The following RIMS2 variants were observed in gnomAD, a reference collection of about 807,000 sequenced individuals.
RIMS2 encodes regulating synaptic membrane exocytosis protein 2.
Under a neutral mutation model 174.4 loss-of-function variants are expected in RIMS2, and 59 were observed. That is an observed-to-expected ratio of 0.34 (90% CI 0.27 to 0.42). RIMS2 has a LOEUF of 0.42. RIMS2 is among the 10% of genes least tolerant of loss of function. The probability of loss-of-function intolerance (pLI) is 1.00; values close to 1 mark genes in which losing one functional copy is unlikely to be tolerated. For synonymous variants in RIMS2, 606 were observed against 572.5 expected, an observed-to-expected ratio of 1.06 and a Z score of -0.84; for missense variants, 1,620 against 1,666.3, an observed-to-expected ratio of 0.97 and a Z score of 0.48.
In RIMS2 at chr8:103,883,359, T is replaced by C. The variant is rs562826205; in HGVS notation, c.699-1939T>C. 2.0e-5 allele frequency among the ~76,000 whole-genome samples: 3 copies of C among 151,892 alleles called. No homozygotes were observed. In the East Asian group the frequency reaches 5.8e-4, roughly 30 times the overall value. Reference sequence around the variant, plus strand: ...TTCTCTTCATGATAGACTACTATCATGCTAGAGTTTTTTTAGTCAAATGTA... The same window carrying C: ...TTCTCTTCATGATAGACTACTATCACGCTAGAGTTTTTTTAGTCAAATGTA... On this transcript the variant is annotated intron_variant, in intron 3 of 23. Coordinates refer to ENST00000504942, the Ensembl canonical transcript of RIMS2.
chr8:103,795,774 C>CACA (rs2098545686), intron 3 of RIMS2, among the ~76,000 whole-genome samples: 1 of 152,158 alleles, frequency 6.6e-6, no homozygotes, highest in Admixed American at 6.6e-5. Context: ...ACATGTATCG[C>CACA]TGCCTTTCAT....
chr8:103,827,709 T>C (rs1006944403), intron 3 of RIMS2, among the ~76,000 whole-genome samples: 3 of 151,934 alleles, frequency 2.0e-5, no homozygotes, highest in African/African-American at 7.3e-5. Flanking sequence ...GCCGTGTGTG[T>C]CTGTAATCCC....
At chr8:104,219,392 G>A (rs1244230676) in intron 19 of RIMS2, among the ~76,000 whole-genome samples, 1 of 152,156 alleles carries the variant, frequency 6.6e-6, no homozygotes, top group Non-Finnish European at 1.5e-5. Flanking sequence ...CTGCCACTTC[G>A]TAGTTAAGCA....
intron 1 of RIMS2, among the ~76,000 whole-genome samples, chr8:103,579,057 T>A (rs188354253): frequency 6.6e-6 from 1 of 152,110 alleles, no homozygotes; most frequent in Non-Finnish European, 1.5e-5. Context: ...AGAGAAAGTC[T>A]TTCCCAGATA....
chr8:103,510,943 TA>T (rs781229778), intron 1 of RIMS2, among the ~76,000 whole-genome samples: 1 of 152,186 alleles, frequency 6.6e-6, no homozygotes, highest in Non-Finnish European at 1.5e-5. Context: ...TTTGGATATA[TA>T]TTTTTTTATA....
chr8:103,893,609 GT>G (rs1223526239), intron 4 of RIMS2, among the ~76,000 whole-genome samples: 1 of 151,976 alleles, frequency 6.6e-6, no homozygotes, highest in Non-Finnish European at 1.5e-5. Context: ...AACTTGGAAT[GT>G]TTTTTACATT....
chr8:103,891,058 G>A (rs1426724573), intron 4 of RIMS2, among the ~76,000 whole-genome samples: 1 of 151,812 alleles, frequency 6.6e-6, no homozygotes, highest in Non-Finnish European at 1.5e-5. Flanking sequence ...CTCTTGTGGG[G>A]CAAAGTTCAC....
intron 1 of RIMS2, among the ~76,000 whole-genome samples, chr8:103,639,335 C>T (rs1589519366): frequency 6.6e-6 from 1 of 151,842 alleles, no homozygotes; most frequent in Non-Finnish European, 1.5e-5. Context: ...CAAACATTAA[C>T]ATTTAATGTT....
At chr8:104,147,643 G>A (rs1213326109) in intron 19 of RIMS2, among the ~76,000 whole-genome samples, 1 of 152,044 alleles carries the variant, frequency 6.6e-6, no homozygotes, top group East Asian at 1.9e-4. Context: ...CAGAACCAAA[G>A]TAAAACTTTC....
chr8:103,769,614 C>T (rs2098226102), intron 3 of RIMS2, among the ~76,000 whole-genome samples: 1 of 152,066 alleles, frequency 6.6e-6, no homozygotes, highest in South Asian at 2.1e-4. Context: ...GCGTGAGCCA[C>T]CGTGCCCGGT....
intron 1 of RIMS2, among the ~76,000 whole-genome samples, chr8:103,536,285 T>G (rs1839722558): frequency 6.6e-6 from 1 of 152,162 alleles, no homozygotes; most frequent in Admixed American, 6.5e-5. Context: ...AATTTAAAGT[T>G]TATTTAAATA....
intron 19 of RIMS2, among the ~76,000 whole-genome samples, chr8:104,063,261 T>C (rs2097038267): frequency 6.6e-6 from 1 of 152,088 alleles, no homozygotes; most frequent in Non-Finnish European, 1.5e-5. Context: ...TGCAAATGTT[T>C]AATGATCATC....
rs2077193437 is a variant in RIMS2 at position 103,919,426 on chromosome 8, AGG to A, written c.2083+940_2083+941del. ...TGCATAGTCTATATAACCCACTGTA[AGG>A]ACTTTGACTTTTACTTTCAGGAAAA... On this transcript the variant is annotated intron_variant, in intron 9 of 23. Coordinates refer to ENST00000504942, the Ensembl canonical transcript of RIMS2. Among the ~76,000 whole-genome samples, 4 of 152,138 alleles carry A rather than the reference AGG, an allele frequency of 2.6e-5. No homozygotes were observed. In the South Asian group the frequency reaches 8.3e-4, roughly 32 times the overall value.
At chr8:103,780,982 C>T (rs1399057644) in intron 3 of RIMS2, among the ~76,000 whole-genome samples, 1 of 151,866 alleles carries the variant, frequency 6.6e-6, no homozygotes, top group South Asian at 2.1e-4. Context: ...GTTTGCCTGG[C>T]TGTAGTAAAT....
intron 2 of RIMS2, among the ~76,000 whole-genome samples, chr8:103,756,243 G>T (rs2098001510): frequency 1.3e-5 from 2 of 152,022 alleles, no homozygotes; most frequent in Non-Finnish European, 2.9e-5. Flanking sequence ...TGTTTGCCTG[G>T]GTATCACCAG....
At chr8:103,909,824 A>T (rs963569136) in intron 4 of RIMS2, among the ~76,000 whole-genome samples, 53 of 152,016 alleles carry the variant, frequency 3.5e-4, no homozygotes, top group Non-Finnish European at 1.0e-4. Flanking sequence ...TTCAGCATAT[A>T]CATTTTTTGT....
intron 19 of RIMS2, among the ~76,000 whole-genome samples, chr8:104,118,186 G>T (rs1350979119): frequency 6.6e-6 from 1 of 151,824 alleles, no homozygotes; most frequent in East Asian, 1.9e-4. Flanking sequence ...GATAAAATAT[G>T]AAAATTTTAG....
intron 1 of RIMS2, among the ~76,000 whole-genome samples, chr8:103,553,317 A>G (rs1035245061): frequency 2.6e-5 from 4 of 152,168 alleles, no homozygotes; most frequent in South Asian, 2.1e-4. Flanking sequence ...GAAGCTGGAA[A>G]CCATCATTCC....
chr8:103,841,812 G>C (rs987251860), intron 3 of RIMS2, among the ~76,000 whole-genome samples: 1 of 151,976 alleles, frequency 6.6e-6, no homozygotes, highest in Non-Finnish European at 1.5e-5. Context: ...AAAAGTAGCC[G>C]GGTGTGATGG....
Sources: allele counts gnomAD v4.1 joint callset (sites outside exome capture counted in the v4.1 genomes callset), GRCh38; gene constraint gnomAD v4.1.1; transcripts MANE v1.5; gene names NCBI Gene and HGNC (gene_info 2026-07-23, HGNC 2026-07-21).